The following MACC1 variants were observed in gnomAD, a reference collection of about 807,000 sequenced individuals.
MACC1 encodes the protein metastasis-associated in colon cancer protein 1.
MACC1 carries 79 observed loss-of-function variants against 70.7 expected under a neutral mutation model. The ratio of observed to expected loss-of-function variants is 1.12; its 90% CI spans 0.93 to 1.35. The LOEUF (loss-of-function observed/expected upper bound fraction) is 1.35. Ranked by LOEUF, MACC1 falls within the 40% of genes most tolerant of loss-of-function variation. MACC1 has a pLI of 0.00. For missense variants in MACC1, 1,106 were observed against 978.1 expected, an observed-to-expected ratio of 1.13 and a Z score of -1.74; for synonymous variants, 361 against 347.2, an observed-to-expected ratio of 1.04 and a Z score of -0.44.
At chr7:20,147,743 T>A (rs533894726) in intron 6 of MACC1, among the ~76,000 whole-genome samples, 1 of 152,286 alleles carries the variant, frequency 6.6e-6, no homozygotes, top group South Asian at 2.1e-4. Flanking sequence ...CCAGCTAAAT[T>A]TGGGTGAGAA....
intron 1 of MACC1, among the ~76,000 whole-genome samples, chr7:20,179,153 T>C (rs1430076735): frequency 6.6e-6 from 1 of 152,224 alleles, no homozygotes; most frequent in Non-Finnish European, 1.5e-5. Context: ...AGGTTTCCAT[T>C]ACTATGACTA....
intron 3 of MACC1, among the ~76,000 whole-genome samples, chr7:20,162,695 C>A (rs934738032): frequency 6.6e-6 from 1 of 152,106 alleles, no homozygotes; most frequent in African/African-American, 2.4e-5. Flanking sequence ...GTGGATTATT[C>A]ATTAAACAGT....
At chr7:20,188,808 G>A (rs1347210853) in intron 1 of MACC1, among the ~76,000 whole-genome samples, 2 of 152,266 alleles carry the variant, frequency 1.3e-5, no homozygotes, top group Non-Finnish European at 1.5e-5. Context: ...GCTTATCACT[G>A]TCTCCTCCTT....
intron 1 of MACC1, among the ~76,000 whole-genome samples, chr7:20,174,566 T>G (rs1054792791): frequency 6.6e-6 from 1 of 151,836 alleles, no homozygotes; most frequent in Admixed American, 6.6e-5. Context: ...GCTTGCAGAG[T>G]TTTTTAATAA....
intron 6 of MACC1, 80 bp from the exon 7 acceptor site, chr7:20,141,238 AG>A: frequency 1.1e-6 from 1 of 921,800 alleles, no homozygotes; most frequent in Non-Finnish European, 1.6e-6. Flanking sequence ...AGATGTAAAA[AG>A]CCTCTTAAGA....
intron 1 of MACC1, among the ~76,000 whole-genome samples, chr7:20,179,439 C>T (rs983493226): frequency 1.3e-5 from 2 of 152,132 alleles, no homozygotes; most frequent in African/African-American, 2.4e-5. Flanking sequence ...CGTTTCTCTC[C>T]TCAATTCTGT....
chr7:20,167,744 G>A (rs761407153), intron 2 of MACC1, among the ~76,000 whole-genome samples: 1 of 152,094 alleles, frequency 6.6e-6, no homozygotes, highest in Admixed American at 6.5e-5. Flanking sequence ...TGTTGACCCC[G>A]GAAGATCTCC....
At chr7:20,209,487 G>C (rs1004595353) in intron 1 of MACC1, among the ~76,000 whole-genome samples, 9 of 152,240 alleles carry the variant, frequency 5.9e-5, no homozygotes, top group African/African-American at 1.9e-4. Context: ...ATGGGGCCTA[G>C]AGCCCCTTTG....
At chr7:20,161,114 G>A (rs1053456710) in intron 4 of MACC1, among the ~76,000 whole-genome samples, 2 of 151,986 alleles carry the variant, frequency 1.3e-5, no homozygotes, top group African/African-American at 4.8e-5. Flanking sequence ...AGAGCAACTC[G>A]TACTTGGTCA....
At chr7:20,181,824 A>G (rs1386177072) in intron 1 of MACC1, among the ~76,000 whole-genome samples, 1 of 152,166 alleles carries the variant, frequency 6.6e-6, no homozygotes, top group Admixed American at 6.5e-5. Context: ...GAACTTTCAA[A>G]AGAGAGAGAA....
At chr7:20,215,514 T>A (rs1783056639) in intron 1 of MACC1, among the ~76,000 whole-genome samples, 2 of 152,216 alleles carry the variant, frequency 1.3e-5, no homozygotes, top group African/African-American at 2.4e-5. Context: ...AATTACAAGT[T>A]TCATTCTAAT....
At chr7:20,178,480 A>T (rs1466824941) in intron 1 of MACC1, among the ~76,000 whole-genome samples, 4 of 152,228 alleles carry the variant, frequency 2.6e-5, no homozygotes, top group Non-Finnish European at 5.9e-5. Context: ...CAGCTTCAAC[A>T]GTCTGGTTGG....
intron 6 of MACC1, among the ~76,000 whole-genome samples, chr7:20,145,897 C>T (rs1781882833): frequency 1.3e-5 from 2 of 152,180 alleles, no homozygotes; most frequent in South Asian, 4.2e-4. Flanking sequence ...TGGTGGCTCA[C>T]GCAAGTAATC....
intron 6 of MACC1, chr7:20,150,330 T>C (rs1781956879): frequency 6.6e-6 from 1 of 152,162 alleles, no homozygotes; most frequent in Admixed American, 6.6e-5. Context: ...AGGACACAGA[T>C]ATAAGATACT....
rs761942618 is a variant in MACC1, at chr7:20,158,502, T to G, written c.1859A>C (p.Glu620Ala). ...ACTATCTGACATAAACATTACTTGCTCCTTTGAAATCACCTTGACATTTTT... is the reference window on the plus strand; with the variant it reads ...ACTATCTGACATAAACATTACTTGCGCCTTTGAAATCACCTTGACATTTTT... ...HCKNVKVISK[E>A]QVMFMSDSVF... is the part of the protein sequence containing the mutation. The change falls in exon 5 of 7, where the codon GAG (glutamate) becomes GCG (alanine). Residue 620 changes from glutamate to alanine, a missense_variant. Transcript: ENST00000400331. 10 of 1,614,010 alleles carry G rather than the reference T, an allele frequency of 6.2e-6. No individual in the cohort carries two copies. The highest frequency in any genetic ancestry group is 8.5e-6 in the Non-Finnish European group (10 of 1,180,018).
intron 1 of MACC1, among the ~76,000 whole-genome samples, chr7:20,181,107 T>TGA (rs1782499810): frequency 6.6e-6 from 1 of 151,754 alleles, no homozygotes. Flanking sequence ...TGTGTGTGTG[T>TGA]ATAATTAACA....
At chr7:20,179,351 C>T (rs1271560629) in intron 1 of MACC1, among the ~76,000 whole-genome samples, 3 of 152,134 alleles carry the variant, frequency 2.0e-5, no homozygotes, top group Non-Finnish European at 4.4e-5. Flanking sequence ...AGATATATTA[C>T]TCAGCATTCT....
chr7:20,148,642 AC>A (rs2128100996), intron 6 of MACC1, among the ~76,000 whole-genome samples: 1 of 152,284 alleles, frequency 6.6e-6, no homozygotes, highest in South Asian at 2.1e-4. Flanking sequence ...ACAATGTGTT[AC>A]CCCAGAAATT....
chr7:20,174,436 T>C (rs1463765269), intron 1 of MACC1, among the ~76,000 whole-genome samples: 1 of 152,138 alleles, frequency 6.6e-6, no homozygotes, highest in Non-Finnish European at 1.5e-5. Flanking sequence ...CCCAGCAAAA[T>C]CAATGTTATA....
Sources: gnomAD v4.1 joint callset for allele counts (sites outside exome capture counted in the v4.1 genomes callset) on GRCh38, gnomAD v4.1.1 for gene constraint, MANE v1.5 for transcripts, NCBI Gene and HGNC (gene_info 2026-07-23, HGNC 2026-07-21) for gene names.